Variants in QTGAL observed in about 807,000 individuals in gnomAD.
The protein encoded by QTGAL is queuosine-tRNA galactosyltransferase, also known as BGnT-like protein 1.
At chr17:83,042,048 T>C in the QTGAL span, among the ~76,000 whole-genome samples, 1 of 62,906 alleles carries the variant, frequency 1.6e-5, no homozygotes, top group Admixed American at 1.3e-4. Context: ...TTGGTTTGTA[T>C]TTTTCCTATA....
chr17:83,002,056 C>CTT, the QTGAL span, among the ~76,000 whole-genome samples: 904 of 148,540 alleles, frequency 6.1e-3, 4 homozygotes, highest in South Asian at 0.011. Flanking sequence ...GCCACTGCGC[C>CTT]TTTTTTTTTT....
the QTGAL span, among the ~76,000 whole-genome samples, chr17:82,983,497 C>G: frequency 6.6e-6 from 1 of 152,198 alleles, no homozygotes; most frequent in East Asian, 1.9e-4. Context: ...GCGTTAGAGA[C>G]ACACATTCCC....
At chr17:83,049,754 C>T in the QTGAL span, among the ~76,000 whole-genome samples, 1 of 152,190 alleles carries the variant, frequency 6.6e-6, no homozygotes, top group East Asian at 1.9e-4. Context: ...CTTTGTCCTA[C>T]ACTTCGTTTC....
At chr17:82,967,329 A>C in the QTGAL span, among the ~76,000 whole-genome samples, 90,927 of 151,960 alleles carry the variant, frequency 0.6, 27,358 homozygotes, top group East Asian at 0.78. Context: ...GTGTGTGAAC[A>C]CGCAGGTCAG....
At chr17:83,044,027 C>T in the QTGAL span, among the ~76,000 whole-genome samples, 1 of 151,994 alleles carries the variant, frequency 6.6e-6, no homozygotes, top group East Asian at 1.9e-4. Flanking sequence ...ACAAAAAAGC[C>T]CAGAGTCAGG....
the QTGAL span, chr17:82,942,353 A>G: frequency 1.3e-6 from 2 of 1,556,534 alleles, no homozygotes; most frequent in East Asian, 2.2e-5. Context: ...GAACCGTGTC[A>G]GTCCCCACAC....
At chr17:83,045,103 G>A in the QTGAL span, among the ~76,000 whole-genome samples, 1 of 152,184 alleles carries the variant, frequency 6.6e-6, no homozygotes, top group Non-Finnish European at 1.5e-5. Flanking sequence ...TAGGATACAA[G>A]GTCAACACTA....
At chr17:82,959,503 C>T in the QTGAL span, among the ~76,000 whole-genome samples, 1 of 151,980 alleles carries the variant, frequency 6.6e-6, no homozygotes, top group South Asian at 2.1e-4. Context: ...AGGACAGCTC[C>T]TGCAGACGGC....
At chr17:83,044,878 G>A in the QTGAL span, among the ~76,000 whole-genome samples, 3 of 152,022 alleles carry the variant, frequency 2.0e-5, no homozygotes, top group Admixed American at 6.6e-5. Context: ...CCCAGGTGGC[G>A]GAGCTTGCAG....
At chr17:83,005,726 C>A in the QTGAL span, 1 of 747,194 alleles carries the variant, frequency 1.3e-6, no homozygotes, top group South Asian at 1.5e-5. This position sits in a 1 kb window ranked among gnomAD's most constrained non-coding sequence, Gnocchi z 5.6. Context: ...CGACAACCCT[C>A]TCCCCGGGCA....
the QTGAL span, among the ~76,000 whole-genome samples, chr17:82,962,454 T>G: frequency 6.6e-6 from 1 of 151,494 alleles, no homozygotes; most frequent in South Asian, 2.1e-4. Flanking sequence ...CACGGGTGAT[T>G]TAGGGTGGAG....
the QTGAL span, chr17:82,945,953 T>C: frequency 4.6e-5 from 7 of 152,156 alleles, no homozygotes; most frequent in Admixed American, 3.9e-4. Flanking sequence ...TTAAAGCACG[T>C]AGAATTGCTT....
At chr17:82,956,681 G>A in the QTGAL span, 3 of 1,559,534 alleles carry the variant, frequency 1.9e-6, no homozygotes, top group South Asian at 2.4e-5. The surrounding 1 kb of genome is among the most constrained non-coding windows in gnomAD (Gnocchi z 5.7). Flanking sequence ...CACGGCCAAG[G>A]GCCCCACACT....
At chr17:82,997,930 A>AATAT in the QTGAL span, among the ~76,000 whole-genome samples, 10,741 of 131,394 alleles carry the variant, frequency 0.082, 485 homozygotes, top group Non-Finnish European at 0.1. Context: ...TAAAAAAAAA[A>AATAT]ATATATATAT....
At chr17:82,957,929 C>A in the QTGAL span, among the ~76,000 whole-genome samples, 40 of 152,310 alleles carry the variant, frequency 2.6e-4, 1 homozygote, top group Middle Eastern at 3.4e-3. Flanking sequence ...CCCTTCCACT[C>A]CCCTGGGAAC....
chr17:82,951,889 C>T, the QTGAL span, among the ~76,000 whole-genome samples: 3 of 152,026 alleles, frequency 2.0e-5, no homozygotes, highest in African/African-American at 4.8e-5. Context: ...ATGGGCGCCC[C>T]GAGATAGTAG....
chr17:82,962,187 T>G, the QTGAL span, among the ~76,000 whole-genome samples: 5 of 152,172 alleles, frequency 3.3e-5, no homozygotes, highest in Non-Finnish European at 5.9e-5. Context: ...GTCCCCAAAC[T>G]ATCACGGCCC....
chr17:83,006,620 C>G, the QTGAL span: 1 of 983,402 alleles, frequency 1.0e-6, no homozygotes, highest in Non-Finnish European at 1.2e-6. The surrounding 1 kb of genome is among the most constrained non-coding windows in gnomAD (Gnocchi z 5.8). Context: ...TGTGCTATCC[C>G]GACGCCGTGG....
At chr17:83,011,048 C>A in the QTGAL span, among the ~76,000 whole-genome samples, 1 of 152,210 alleles carries the variant, frequency 6.6e-6, no homozygotes, top group Admixed American at 6.5e-5. Flanking sequence ...CTGGGTGGAG[C>A]CAGGGCAGCC....
Sources: allele counts gnomAD v4.1 joint callset (sites outside exome capture counted in the v4.1 genomes callset), GRCh38; gene constraint gnomAD v4.1.1; non-coding constraint Gnocchi (gnomAD v3.1); transcripts MANE v1.5; gene names NCBI Gene and HGNC (gene_info 2026-07-23, HGNC 2026-07-21).